Variants in CTNNA2 observed in about 807,000 individuals in gnomAD.
The protein encoded by CTNNA2 is catenin alpha 2.
Under a neutral mutation model 101.0 loss-of-function variants are expected in CTNNA2, and 42 were observed. The observed-to-expected ratio is 0.42, with a 90% CI of 0.32 to 0.54. The LOEUF is 0.54. CTNNA2 is among the 20% of genes least tolerant of loss of function. CTNNA2 has a pLI of 0.14. For synonymous variants in CTNNA2, 450 were observed against 456.4 expected, an observed-to-expected ratio of 0.99 and a Z score of 0.18; for missense variants, 871 against 1,223.1, an observed-to-expected ratio of 0.71 and a Z score of 4.29.
chr2:80,274,416 T>G (rs943842353), intron 7 of CTNNA2, among the ~76,000 whole-genome samples: 2 of 152,270 alleles, frequency 1.3e-5, no homozygotes, highest in South Asian at 4.1e-4. Flanking sequence ...TTAAGATAAT[T>G]AAAAGCCCAG....
intron 7 of CTNNA2, among the ~76,000 whole-genome samples, chr2:80,322,267 G>C (rs1236528102): frequency 6.6e-6 from 1 of 152,098 alleles, no homozygotes; most frequent in Non-Finnish European, 1.5e-5. Flanking sequence ...AATGCCCAGT[G>C]ATTAAAACTA....
chr2:80,013,319 C>A (rs1405098225), intron 7 of CTNNA2, among the ~76,000 whole-genome samples: 1 of 152,180 alleles, frequency 6.6e-6, no homozygotes, highest in Admixed American at 6.5e-5. Context: ...AAGAACTAAC[C>A]ATTACATTTA....
chr2:79,631,889 G>A (rs1679721358), intron 1 of CTNNA2, among the ~76,000 whole-genome samples: 1 of 152,096 alleles, frequency 6.6e-6, no homozygotes, highest in South Asian at 2.1e-4. Context: ...AACAGTTCTA[G>A]GTGAATTATG....
intron 2 of CTNNA2, among the ~76,000 whole-genome samples, chr2:79,275,773 C>A (rs1329053578): frequency 6.6e-6 from 1 of 151,898 alleles, no homozygotes; most frequent in Admixed American, 6.6e-5. Flanking sequence ...TCGCATTCCT[C>A]CTATGCATTG....
At chr2:80,558,950 G>T (rs2149667797) in intron 12 of CTNNA2, among the ~76,000 whole-genome samples, 1 of 152,242 alleles carries the variant, frequency 6.6e-6, no homozygotes, top group Admixed American at 6.5e-5. Context: ...CTGAACAGTT[G>T]TTTCTTGGGG....
chr2:79,555,806 T>A (rs1371917318), intron 1 of CTNNA2, among the ~76,000 whole-genome samples: 1 of 152,078 alleles, frequency 6.6e-6, no homozygotes, highest in African/African-American at 2.4e-5. Flanking sequence ...AAAGAAAAAG[T>A]TCATACAGCT....
chr2:79,912,412 C>G (rs1417243021), intron 7 of CTNNA2, among the ~76,000 whole-genome samples: 1 of 152,206 alleles, frequency 6.6e-6, no homozygotes, highest in Admixed American at 6.5e-5. Flanking sequence ...AATAGGATAG[C>G]AGTCACATGT....
chr2:79,532,759 A>C (rs555786790), intron 1 of CTNNA2, among the ~76,000 whole-genome samples: 1 of 152,044 alleles, frequency 6.6e-6, no homozygotes, highest in East Asian at 1.9e-4. Context: ...TCATTTCTCC[A>C]ATGCTAAAAC....
chr2:80,138,128 T>C (rs963026927), intron 7 of CTNNA2, among the ~76,000 whole-genome samples: 1 of 152,148 alleles, frequency 6.6e-6, no homozygotes, highest in African/African-American at 2.4e-5. Context: ...TCCATAAATA[T>C]CTTGTATAGC....
intron 5 of CTNNA2, among the ~76,000 whole-genome samples, chr2:79,871,376 C>T (rs1249186167): frequency 1.3e-5 from 2 of 151,892 alleles, no homozygotes; most frequent in Admixed American, 6.6e-5. Context: ...GTATGGTAGC[C>T]CAATGTGTAA....
At chr2:79,940,304 T>G (rs1385570576) in intron 7 of CTNNA2, among the ~76,000 whole-genome samples, 1 of 152,208 alleles carries the variant, frequency 6.6e-6, no homozygotes, top group Non-Finnish European at 1.5e-5. Context: ...AAAGAAATTT[T>G]CTACAGATTT....
rs981855045 is a variant in CTNNA2 at position 79,756,346 on chromosome 2, G to A, written c.298+11764G>A. Among the ~76,000 whole-genome samples the A allele has an allele frequency of 2.0e-5, 3 of 152,096 alleles. No individual in the cohort carries two copies. In the South Asian group the frequency reaches 6.2e-4, roughly 32 times the overall value. On this transcript the variant is annotated intron_variant, in intron 3 of 18. Transcript: ENST00000402739. ...ATGACACTGATACTGATATCCATGT[G>A]CATTGATTACTTCTACAAATATTTT...
chr2:80,495,312 G>A (rs1204561615), intron 9 of CTNNA2, among the ~76,000 whole-genome samples: 1 of 152,138 alleles, frequency 6.6e-6, no homozygotes, highest in African/African-American at 2.4e-5. Flanking sequence ...ACTGTGCCTT[G>A]AGAATCTACC....
In CTNNA2 at chr2:79,926,640, T is replaced by C. The variant is rs1687039017; in HGVS notation, c.1056+16843T>C. ...ATAAGGTTTTAAATGTGTATAGTTA[T>C]TATAGTATAACAGTGCTGCGGGGGC... is the stretch of plus-strand genomic sequence containing the variant. On this transcript the variant is annotated intron_variant, in intron 7 of 18. Transcript: ENST00000402739. 2.6e-5 allele frequency among the ~76,000 whole-genome samples: 4 copies of C among 152,172 alleles called. 1 individual carries two copies. The South Asian group carries it at 8.3e-4, about 32-fold the overall frequency.
At chr2:79,321,698 TTGAC>T (rs1178442410) in intron 3 of CTNNA2, among the ~76,000 whole-genome samples, 1 of 152,140 alleles carries the variant, frequency 6.6e-6, no homozygotes, top group Admixed American at 6.5e-5. Context: ...GGAAGGGACA[TTGAC>T]TGTCTCTGGC....
intron 7 of CTNNA2, among the ~76,000 whole-genome samples, chr2:80,041,836 A>G (rs1696079832): frequency 6.6e-6 from 1 of 152,202 alleles, no homozygotes; most frequent in Non-Finnish European, 1.5e-5. Flanking sequence ...ATTAGCATCA[A>G]GGTGGTCCCT....
intron 7 of CTNNA2, among the ~76,000 whole-genome samples, chr2:80,098,379 A>G (rs963159356): frequency 3.9e-5 from 6 of 152,170 alleles, no homozygotes; most frequent in Non-Finnish European, 7.3e-5. Context: ...TTTGTCTCAG[A>G]GGAGTACCCG....
At chr2:80,141,250 A>G (rs549412971) in intron 7 of CTNNA2, among the ~76,000 whole-genome samples, 2 of 152,020 alleles carry the variant, frequency 1.3e-5, no homozygotes, top group Non-Finnish European at 2.9e-5. Context: ...GAAAGCCCTC[A>G]AATAAATATT....
chr2:79,770,394 A>G (rs1467376054), intron 3 of CTNNA2, among the ~76,000 whole-genome samples: 1 of 152,238 alleles, frequency 6.6e-6, no homozygotes, highest in Non-Finnish European at 1.5e-5. Flanking sequence ...CTGGAAGTGC[A>G]TCATTTTTTA....
Sources: allele counts gnomAD v4.1 joint callset (sites outside exome capture counted in the v4.1 genomes callset), GRCh38; gene constraint gnomAD v4.1.1; transcripts MANE v1.5; gene names NCBI Gene and HGNC (gene_info 2026-07-23, HGNC 2026-07-21).